Variants in C17orf67 observed in about 807,000 individuals in gnomAD.
C17orf67 encodes chromosome 17 open reading frame 67.
Under a neutral mutation model 11.2 loss-of-function variants are expected in C17orf67, and 12 were observed. That is an observed-to-expected ratio of 1.07 (90% CI 0.68 to 1.73). The LOEUF is 1.73. Among genes scored for constraint, C17orf67 ranks in the 40% most tolerant of loss-of-function variants. The pLI is 0.00. For missense variants in C17orf67, 115 were observed against 113.5 expected, an observed-to-expected ratio of 1.01 and a Z score of -0.06; for synonymous variants, 59 against 46.9, an observed-to-expected ratio of 1.26 and a Z score of -1.05.
intron 4 of C17orf67, among the ~76,000 whole-genome samples, chr17:56,820,734 C>CCCAA (rs1407454860): frequency 6.6e-6 from 1 of 151,494 alleles, no homozygotes; most frequent in African/African-American, 2.4e-5. Context: ...ATTCACAACA[C>CCCAA]CCAAACACAA....
intron 6 of C17orf67, among the ~76,000 whole-genome samples, chr17:56,812,110 C>T (rs1229714716): frequency 6.6e-6 from 1 of 152,224 alleles, no homozygotes; most frequent in Non-Finnish European, 1.5e-5. Flanking sequence ...ATACCAGAAA[C>T]TATTTGTTAA....
At chr17:56,818,685 CATG>C (rs1228543387) in intron 4 of C17orf67, among the ~76,000 whole-genome samples, 3 of 151,990 alleles carry the variant, frequency 2.0e-5, no homozygotes, top group South Asian at 2.1e-4. Flanking sequence ...TATATTTTAA[CATG>C]ATGAAATATC....
At chr17:56,803,565 C>G (rs958055911) in intron 6 of C17orf67, among the ~76,000 whole-genome samples, 14 of 152,308 alleles carry the variant, frequency 9.2e-5, no homozygotes, top group African/African-American at 3.1e-4. Flanking sequence ...GCTTGGCACA[C>G]AGTAGGACCA....
intron 6 of C17orf67, 140 bp downstream of exon 6, chr17:56,814,729 T>C: frequency 3.8e-6 from 3 of 792,072 alleles, no homozygotes; most frequent in Non-Finnish European, 6.4e-6. Context: ...GGTAAAAGAT[T>C]GAGATTGCAG....
Position 56,810,106 on chromosome 17 carries a change from G to A in C17orf67, c.156+4763C>T, listed in dbSNP as rs548173532. 1.6e-4 allele frequency among the ~76,000 whole-genome samples: 9 copies of A among 56,358 alleles called. No homozygotes were observed. In the East Asian group the frequency reaches 4.2e-3, roughly 27 times the overall value. 37.0% of individuals were successfully genotyped at this position (56,358 alleles called of 152,430 possible). ...ACCCTCACACACCCCTCACACTTCT[G>A]ACACACACCCTCACACTCCTTGCAC... On this transcript the variant is annotated intron_variant, in intron 6 of 7. Coordinates refer to ENST00000397861, the MANE Select transcript of C17orf67 (RefSeq NM_001085430.4).
chr17:56,824,705 C>A (rs148168619), intron 4 of C17orf67, 34 bp downstream of exon 4: 1,928 of 152,412 alleles, frequency 0.013, 16 homozygotes, highest in Non-Finnish European at 0.019. Flanking sequence ...GAAACTGAAT[C>A]CAGACTCTGT....
intron 2 of C17orf67, among the ~76,000 whole-genome samples, chr17:56,829,045 C>T (rs183496292): frequency 2.6e-5 from 4 of 152,172 alleles, no homozygotes; most frequent in East Asian, 3.9e-4. Flanking sequence ...TTTGGGAGGC[C>T]GAGGTGGACA....
chr17:56,814,855 A>G lies in C17orf67; in HGVS notation c.156+14T>C, dbSNP rs1373481892. 2 of 1,612,386 alleles carry G rather than the reference A, an allele frequency of 1.2e-6. No individual in the cohort carries two copies. The highest frequency in any genetic ancestry group is 1.7e-6 in the Non-Finnish European group (2 of 1,178,534). ...ATCACATTTTCTTTAAAACTGCCAG[A>G]GCAAAGCACTCACCCGCATTGGCTC... On this transcript the variant is annotated intron_variant, in intron 6 of 7. Coordinates refer to ENST00000397861, the MANE Select transcript of C17orf67 (RefSeq NM_001085430.4).
At chr17:56,815,401 T>C (rs1377172140) in intron 5 of C17orf67, among the ~76,000 whole-genome samples, 1 of 152,096 alleles carries the variant, frequency 6.6e-6, no homozygotes, top group African/African-American at 2.4e-5. Flanking sequence ...TCAAAGAAGA[T>C]AGTATAAAAG....
chr17:56,814,798 C>T, intron 6 of C17orf67, 71 bp downstream of exon 6: 1 of 1,439,308 alleles, frequency 6.9e-7, no homozygotes, highest in Non-Finnish European at 9.8e-7. Flanking sequence ...CTGGGACCAA[C>T]ACCTAGTTTC....
At chr17:56,812,608 G>A (rs1202922823) in intron 6 of C17orf67, among the ~76,000 whole-genome samples, 1 of 152,160 alleles carries the variant, frequency 6.6e-6, no homozygotes, top group Admixed American at 6.5e-5. Flanking sequence ...TGGTGGCTCA[G>A]CAATAGGTTC....
chr17:56,803,023 C>T (rs114493834), intron 6 of C17orf67, among the ~76,000 whole-genome samples: 131 of 152,346 alleles, frequency 8.6e-4, no homozygotes, highest in African/African-American at 3.0e-3. Flanking sequence ...TTCCCCACCA[C>T]GCACTTACAG....
At chr17:56,814,750 C>T (rs1023317356) in intron 6 of C17orf67, 119 bp downstream of exon 6, 16 of 947,846 alleles carry the variant, frequency 1.7e-5, no homozygotes, top group South Asian at 5.7e-5. Context: ...CTATCTTCTA[C>T]CTGAAACTCT....
chr17:56,805,851 G>C (rs868509557), intron 6 of C17orf67, among the ~76,000 whole-genome samples: 2 of 151,390 alleles, frequency 1.3e-5, no homozygotes, highest in African/African-American at 4.9e-5. Flanking sequence ...TTAATATTAA[G>C]GGAAAAAACA....
At chr17:56,822,772 G>A (rs973993236) in intron 4 of C17orf67, among the ~76,000 whole-genome samples, 14 of 152,274 alleles carry the variant, frequency 9.2e-5, no homozygotes, top group South Asian at 4.1e-4. Context: ...GACTTGCCCC[G>A]TGTCAACACC....
At chr17:56,806,746 G>A (rs1398987938) in intron 6 of C17orf67, among the ~76,000 whole-genome samples, 1 of 152,236 alleles carries the variant, frequency 6.6e-6, no homozygotes, top group Non-Finnish European at 1.5e-5. Flanking sequence ...GTTTTGAGCA[G>A]GAGAGGGTCA....
rs1478686167 is a variant in C17orf67 at position 56,792,221 on chromosome 17, C to T, written c.*152G>A. 3 of 152,234 alleles carry T rather than the reference C, an allele frequency of 2.0e-5. No homozygotes were observed. Among genetic ancestry groups the T allele is most frequent in the Non-Finnish European group, 1.5e-5 (1 of 68,048 alleles). The allele number at this position is 152,234 out of a possible 1,614,324, so 9.4% of individuals were successfully genotyped here. A position where few individuals can be genotyped will look rare whatever the true frequency, so the allele number is the denominator to read the frequency against. On this transcript the variant is annotated 3_prime_UTR_variant, in exon 8 of 8. Coordinates refer to ENST00000397861, the MANE Select transcript of C17orf67 (RefSeq NM_001085430.4). ...GAAGCAGTATATATATTTGCCATTT[C>T]CAAGGCAATCTTTGATATGCCCACA...
intron 7 of C17orf67, among the ~76,000 whole-genome samples, chr17:56,794,742 C>T (rs371893393): frequency 1.3e-5 from 2 of 152,218 alleles, no homozygotes; most frequent in South Asian, 2.1e-4. Context: ...ACAAAACACA[C>T]TTCTCCACAT....
chr17:56,800,097 G>A (rs1223628256), intron 6 of C17orf67, among the ~76,000 whole-genome samples: 10 of 120,290 alleles, frequency 8.3e-5, no homozygotes, highest in South Asian at 5.0e-4. Flanking sequence ...ACGGAGTCTC[G>A]CTCTGTCGCC....
Sources: allele counts gnomAD v4.1 joint callset (sites outside exome capture counted in the v4.1 genomes callset), GRCh38; gene constraint gnomAD v4.1.1; transcripts MANE v1.5; gene names NCBI Gene and HGNC (gene_info 2026-07-23, HGNC 2026-07-21).